KCTD1: variants seen among roughly 807,000 people sequenced by gnomAD.
The protein encoded by KCTD1 is BTB/POZ domain-containing protein KCTD1.
In KCTD1, 24 loss-of-function variants were observed where a neutral mutation model predicts 66.0. The observed-to-expected ratio is 0.36, with a 90% confidence interval of 0.26 to 0.51. The LOEUF is 0.51. KCTD1 is among the 20% of genes least tolerant of loss of function. The pLI is 0.95. For missense variants in KCTD1, 943 were observed against 1,205.2 expected (o/e 0.78, Z 3.22); for synonymous variants, 511 against 517.2 (o/e 0.99, Z 0.16).
At chr18:26,491,159 C>G (rs912759598) in intron 2 of KCTD1, among the ~76,000 whole-genome samples, 17 of 152,094 alleles carry the variant, frequency 1.1e-4, no homozygotes, top group Admixed American at 1.0e-3. Context: ...GAGTGTGAAC[C>G]TTGAGTGTCG....
chr18:26,495,688 G>A (rs1982435836), intron 2 of KCTD1, among the ~76,000 whole-genome samples: 1 of 152,092 alleles, frequency 6.6e-6, no homozygotes, highest in African/African-American at 2.4e-5. Context: ...GCTTTGTCAA[G>A]CAGTCAGGTT....
At chr18:26,461,790 CTT>C (rs1675699413) in intron 3 of KCTD1, among the ~76,000 whole-genome samples, 3 of 152,306 alleles carry the variant, frequency 2.0e-5, no homozygotes, top group African/African-American at 2.4e-5. Flanking sequence ...AATTACAAAA[CTT>C]AGCACAAGGA....
At chr18:26,655,980 T>A (rs1436509141) in intron 1 of KCTD1, 1 of 151,886 alleles carries the variant, frequency 6.6e-6, no homozygotes, top group Non-Finnish European at 1.5e-5. Context: ...CAGGTCCCTC[T>A]TGGGGGCGGG....
upstream of KCTD1, chr18:26,549,653 G>A (rs1248363010): frequency 3.1e-6 from 3 of 955,142 alleles, no homozygotes; most frequent in African/African-American, 3.5e-5. Flanking sequence ...CGGGCAGGCG[G>A]AAAAAGCGAA....
At chr18:26,629,901 A>G (rs1987581591), upstream of KCTD1, among the ~76,000 whole-genome samples, 1 of 152,064 alleles carries the variant, frequency 6.6e-6, no homozygotes, top group Non-Finnish European at 1.5e-5. Context: ...TATTATTAGT[A>G]GAGACGGGGT....
intron 1 of KCTD1, among the ~76,000 whole-genome samples, chr18:26,534,601 A>G (rs1433045685): frequency 2.6e-5 from 4 of 152,182 alleles, no homozygotes; most frequent in African/African-American, 9.7e-5. Flanking sequence ...CCAATAGAAT[A>G]TATATGTATA....
chr18:26,505,416 G>C (rs1982983475), intron 1 of KCTD1, among the ~76,000 whole-genome samples: 2 of 152,246 alleles, frequency 1.3e-5, no homozygotes, highest in South Asian at 4.1e-4. Context: ...TCTGCGCATT[G>C]CTCAGGCAAA....
intron 3 of KCTD1, among the ~76,000 whole-genome samples, chr18:26,462,855 T>G (rs1980510888): frequency 1.3e-5 from 2 of 152,210 alleles, no homozygotes; most frequent in Admixed American, 1.3e-4. Context: ...TTGTGCTTAT[T>G]TCCTTCAGGC....
Position 26,455,838 on chromosome 18 carries a change from A to C in KCTD1, c.2503T>G (p.Ser835Ala), listed in dbSNP as rs1396192317. 1.9e-6 allele frequency: 3 copies of C among 1,614,216 alleles called. No individual in the cohort carries two copies. Among genetic ancestry groups the C allele is most frequent in the Admixed American group, 3.3e-5 (2 of 60,024 alleles). The change falls in exon 5 of 5, where the codon TCG (serine) becomes GCG (alanine). Residue 835 changes from serine to alanine, a missense_variant. Transcript: ENST00000580059. ...IVGSCGGGVD[S>A]SQFSEYVLRR... ...AGGACGTATTCGCTGAACTGGGACG[A>C]GTCTACTCCTCCCCCACAGGAGCCC... is the stretch of plus-strand genomic sequence containing the variant.
At chr18:26,517,604 C>T (rs1983715403) in intron 1 of KCTD1, among the ~76,000 whole-genome samples, 1 of 140,168 alleles carries the variant, frequency 7.1e-6, no homozygotes, top group Non-Finnish European at 1.5e-5. Context: ...TTGCAGTGAG[C>T]TGAGATCGTG....
At chr18:26,627,604 T>C (rs1987531610) in intron 1 of KCTD1, among the ~76,000 whole-genome samples, 1 of 152,244 alleles carries the variant, frequency 6.6e-6, no homozygotes, top group Non-Finnish European at 1.5e-5. Context: ...TGCTCTGTTG[T>C]AATGAAGCTA....
At chr18:26,604,096 G>T (rs1986960645) in intron 1 of KCTD1, among the ~76,000 whole-genome samples, 1 of 152,104 alleles carries the variant, frequency 6.6e-6, no homozygotes, top group African/African-American at 2.4e-5. Flanking sequence ...TAAAAAGTGG[G>T]CAAAGGACAT....
At chr18:26,552,276 A>G (rs530576962), upstream of KCTD1, among the ~76,000 whole-genome samples, 1 of 152,324 alleles carries the variant, frequency 6.6e-6, no homozygotes, top group African/African-American at 2.4e-5. Context: ...AAACATATTC[A>G]GCTCTTCCTC....
chr18:26,456,404 C>CTT, intron 4 of KCTD1: 1 of 152,488 alleles, frequency 6.6e-6, no homozygotes, highest in African/African-American at 2.4e-5. Context: ...TCAACTCCGC[C>CTT]TTTGTTCAAG....
Position 26,468,537 on chromosome 18 carries a change from A to T in KCTD1, c.2133+7978T>A, listed in dbSNP as rs903038185. On this transcript the variant is annotated intron_variant, in intron 3 of 4. Coordinates refer to ENST00000580059, the MANE Select transcript of KCTD1 (RefSeq NM_001142730.3). This position sits in a 1 kb window ranked among gnomAD's most constrained non-coding sequence, Gnocchi z 4.8. ...TGAAAGAGATTCTCTCCTCATGCAA[A>T]AAACCATGTCCTGGCCGGGCGCGGT... Among the ~76,000 whole-genome samples, 2 of 152,140 alleles carry T rather than the reference A, an allele frequency of 1.3e-5. No homozygotes were observed. The highest frequency in any genetic ancestry group is 1.3e-4 in the Admixed American group (2 of 15,276).
At chr18:26,653,709 T>C (rs1307203977) in intron 1 of KCTD1, among the ~76,000 whole-genome samples, 1 of 152,244 alleles carries the variant, frequency 6.6e-6, no homozygotes, top group East Asian at 1.9e-4. Flanking sequence ...TAATCTGTTT[T>C]GTTTTCTTCA....
intron 1 of KCTD1, among the ~76,000 whole-genome samples, chr18:26,628,866 G>T (rs116478075): frequency 6.6e-6 from 1 of 152,224 alleles, no homozygotes; most frequent in African/African-American, 2.4e-5. Context: ...TTTAAATCTG[G>T]GACAGAATGA....
chr18:26,634,436 T>C (rs1400370969), intron 1 of KCTD1, among the ~76,000 whole-genome samples: 3 of 152,172 alleles, frequency 2.0e-5, no homozygotes, highest in Non-Finnish European at 4.4e-5. Context: ...TTGTGGTCTG[T>C]ACCTCATTAT....
At chr18:26,469,175 T>C (rs1234256192) in intron 3 of KCTD1, among the ~76,000 whole-genome samples, 1 of 152,216 alleles carries the variant, frequency 6.6e-6, no homozygotes, top group Admixed American at 6.5e-5. Flanking sequence ...CTTTTGTTTT[T>C]TTTTTTTTCC....
Sources: gnomAD v4.1 joint callset for allele counts (sites outside exome capture counted in the v4.1 genomes callset) on GRCh38, gnomAD v4.1.1 for gene constraint, Gnocchi (gnomAD v3.1) non-coding constraint, MANE v1.5 for transcripts, NCBI Gene and HGNC (gene_info 2026-07-23, HGNC 2026-07-21) for gene names.